NEB: variants seen among roughly 807,000 people sequenced by gnomAD.
NEB encodes the protein nemaline myopathy type 2.
In NEB, 512 loss-of-function variants were observed where a neutral mutation model predicts 952.2. The observed-to-expected ratio is 0.54, with a 90% CI of 0.50 to 0.58. The LOEUF is 0.58. Ranked by LOEUF, NEB falls within the 20% of genes least tolerant of loss-of-function variation. The pLI is 0.00. For missense variants in NEB, 8,428 were observed against 9,231.1 expected (o/e 0.91, Z 3.56); for synonymous variants, 2,900 against 3,149.8 (o/e 0.92, Z 2.66).
In NEB at chr2:151,677,869, C is replaced by T; in HGVS notation, c.3567+7G>A. ...GGGGGGTTTCTTGAGAAGTAAATGACACTTACATCACTCTGTATCTGCATC... is the reference window on the plus strand; with the variant it reads ...GGGGGGTTTCTTGAGAAGTAAATGATACTTACATCACTCTGTATCTGCATC... On this transcript the variant is annotated splice_region_variant and intron_variant, in intron 33 of 181. Transcript: ENST00000397345. 6.2e-7 allele frequency: 1 copy of T among 1,606,756 alleles called. No homozygotes were observed. Among genetic ancestry groups the T allele is most frequent in the Non-Finnish European group, 8.5e-7 (1 of 1,175,568 alleles).
intron 138 of NEB, among the ~76,000 whole-genome samples, chr2:151,539,860 C>A (rs1447758284): frequency 1.3e-5 from 2 of 152,112 alleles, no homozygotes; most frequent in Non-Finnish European, 2.9e-5. Context: ...TAACTAGGAG[C>A]CCAGCAGCAT....
chr2:151,729,668 G>A lies in NEB; in HGVS notation c.37-12C>T, dbSNP rs773490766. On this transcript the variant is annotated splice_polypyrimidine_tract_variant and intron_variant, in intron 3 of 181. Coordinates refer to ENST00000397345, the MANE Select transcript of NEB (RefSeq NM_001164508.2). ...TCTTCTGTGTAGTACTGTAAATAGA[G>A]CACAAAGGCATTGGCAAGAGAACCA... is the stretch of plus-strand genomic sequence containing the variant. 1 of 1,613,176 alleles carries A rather than the reference G, an allele frequency of 6.2e-7. No individual in the cohort carries two copies. The highest frequency in any genetic ancestry group is 1.7e-5 in the Admixed American group (1 of 59,952).
intron 35 of NEB, among the ~76,000 whole-genome samples, chr2:151,674,916 G>A (rs2099347301): frequency 6.6e-6 from 1 of 152,178 alleles, no homozygotes; most frequent in Non-Finnish European, 1.5e-5. Flanking sequence ...GGAATGTCAA[G>A]AGAAGACCTG....
rs978952705 is a variant in NEB at position 151,694,323 on chromosome 2, A to T, written c.1896T>A (p.Asp632Glu). The change falls in exon 20 of 182, where the codon GAT becomes GAA. Residue 632 changes from aspartate to glutamate, a missense_variant and splice_region_variant. Physicochemically the swap from Asp to Glu is conservative, Grantham distance 45. This residue lies in a region of NEB where 2,851 missense variants were observed against 2,791.5 expected (regional missense o/e 1.02). Coordinates refer to ENST00000397345, the MANE Select transcript of NEB (RefSeq NM_001164508.2). ...HSLKVAKNQS[D>E]RLYKENYEKT... ...AGGGGTGAATTACAAAGAAACTCAC[A>T]TCACTCTGGTTTTTGGCCACCTTCA... 5 of 1,612,402 alleles carry T rather than the reference A, an allele frequency of 3.1e-6. No individual in the cohort carries two copies. The highest frequency in any genetic ancestry group is 3.4e-6 in the Non-Finnish European group (4 of 1,178,544).
chr2:151,691,855 C>T lies in NEB; in HGVS notation c.2211+9G>A, dbSNP rs1323533471. On this transcript the variant is annotated intron_variant, in intron 23 of 181. Transcript: ENST00000397345. ...GCTCAATTTCAATAATTCAGGGCAG[C>T]TAACTTACATCTTTACACTGGTCCA... The T allele has an allele frequency of 6.4e-7, 1 of 1,569,584 alleles. No homozygotes were observed.
chr2:151,557,627 T>A (rs2095751775), intron 124 of NEB, among the ~76,000 whole-genome samples: 1 of 152,142 alleles, frequency 6.6e-6, no homozygotes. Context: ...CAATAAAATA[T>A]TGGCAAACCA....
In NEB at chr2:151,675,282, C is replaced by T. The variant is rs377301805; in HGVS notation, c.3879+5G>A. 6.4e-7 allele frequency: 1 copy of T among 1,550,524 alleles called. No individual in the cohort carries two copies. The highest frequency in any genetic ancestry group is 1.4e-5 in the African/African-American group (1 of 73,692). On this transcript the variant is annotated splice_donor_5th_base_variant and intron_variant, in intron 35 of 181. Transcript: ENST00000397345. Reference sequence around the variant, plus strand: ...ATTTCACATCCCAGCAAAGACCCTACTTACGTCACTTATATTGTAAGCATT... The same window carrying T: ...ATTTCACATCCCAGCAAAGACCCTATTTACGTCACTTATATTGTAAGCATT...
intron 105 of NEB, among the ~76,000 whole-genome samples, 160 bp from the exon 106 acceptor site, chr2:151,576,514 ATATTTTTTTTTTTTT>A (rs2096860987): frequency 7.6e-5 from 2 of 26,206 alleles, no homozygotes; most frequent in East Asian, 6.0e-3. Context: ...ATATATATAT[ATATTTTTTTTTTTTT>A]TTTTTTTTTT....
At chr2:151,649,394 C>A (rs568918412) in intron 54 of NEB, among the ~76,000 whole-genome samples, 5 of 152,166 alleles carry the variant, frequency 3.3e-5, no homozygotes, top group African/African-American at 1.2e-4. Flanking sequence ...AAGTGTATAG[C>A]ATATTACATA....
In NEB at chr2:151,525,254, A is replaced by G. The variant is rs2153447855; in HGVS notation, c.22181T>C (p.Phe7394Ser). The change falls in exon 151 of 182, where the codon TTT (phenylalanine) becomes TCT (serine). Residue 7394 changes from phenylalanine (F) to serine (S), a missense_variant. Around this residue, in one of 11 missense-constraint regions of NEB, gnomAD observed 3,374 missense variants for 3,651.5 expected, o/e 0.92. Coordinates refer to ENST00000397345, the MANE Select transcript of NEB (RefSeq NM_001164508.2). ...HVSDTNYKKKFVKEKGKSNYS... is the reference protein window; with the variant it reads ...HVSDTNYKKKSVKEKGKSNYS... The stretch of plus-strand genomic sequence containing the variant: ...GTTGGATTTTCCTTTCTCCTTGACA[A>G]ACTTCTTTTTGTAATTTGTCTAAAT... 3 of 1,613,196 alleles carry G rather than the reference A, an allele frequency of 1.9e-6. No homozygotes were observed. The South Asian group carries it at 3.3e-5, about 18-fold the overall frequency.
chr2:151,613,132 G>A (rs913832350), intron 77 of NEB, among the ~76,000 whole-genome samples: 1 of 152,008 alleles, frequency 6.6e-6, no homozygotes, highest in Admixed American at 6.6e-5. Flanking sequence ...TTCCAAAAGT[G>A]CTTGATTTAA....
chr2:151,643,204 A>G lies in NEB; in HGVS notation c.8106T>C (p.Leu2702=). 6.2e-7 allele frequency: 1 copy of G among 1,613,948 alleles called. No individual in the cohort carries two copies. The change falls in exon 58 of 182, where the codon CTT becomes CTC. Residue 2702 remains leucine (L), a synonymous_variant. Transcript: ENST00000397345. ...QHPDQFKFSS[L]MDSIPMVLAK... is the part of the protein sequence containing the mutation. ...CCAAAACCATTGGTATGGAATCCAT[A>G]AGGCTGGAAAACTTAAATTGATCTG...
Position 151,659,601 on chromosome 2 carries a change from C to CA in NEB, c.5971-433dup, listed in dbSNP as rs199966292. Reference sequence around the variant, plus strand: ...CAGGCATGAGCCACTGCACCTGGCCCAAAAAAATTTTAATGGAAAAGTTGC... The same window carrying CA: ...CAGGCATGAGCCACTGCACCTGGCCCAAAAAAAATTTTAATGGAAAAGTTGC... On this transcript the variant is annotated intron_variant, in intron 46 of 181. Coordinates refer to ENST00000397345, the MANE Select transcript of NEB (RefSeq NM_001164508.2). 4.5e-3 allele frequency among the ~76,000 whole-genome samples: 680 copies of CA among 152,096 alleles called. 15 individuals carry two copies. In the East Asian group the frequency reaches 0.072, roughly 16 times the overall value.
At chr2:151,609,203 GA>G (rs1194882203) in intron 81 of NEB, among the ~76,000 whole-genome samples, 7 of 84,050 alleles carry the variant, frequency 8.3e-5, no homozygotes, top group Non-Finnish European at 1.8e-4. Context: ...CAAAATAAAA[GA>G]AAAAAAAAAG....
At chr2:151,733,247 T>C in intron 2 of NEB, 62 bp from the exon 3 acceptor site, 1 of 1,138,334 alleles carries the variant, frequency 8.8e-7, no homozygotes, top group Non-Finnish European at 1.3e-6. Flanking sequence ...GAAATTATCT[T>C]ATGACATTAT....
chr2:151,514,457 T>G, intron 158 of NEB, 29 bp from the exon 159 acceptor site: 1 of 1,503,098 alleles, frequency 6.7e-7, no homozygotes, highest in Non-Finnish European at 9.3e-7. Flanking sequence ...GCAACAACAT[T>G]GACAAGAAAG....
chr2:151,501,504 A>C (rs1356508717), intron 167 of NEB, 21 bp from the exon 168 acceptor site: 1 of 1,403,324 alleles, frequency 7.1e-7, no homozygotes, highest in African/African-American at 1.4e-5. Flanking sequence ...AAAACCAACA[A>C]ACAAATCAAC....
At chr2:151,625,202 C>A (rs1393115906) in intron 71 of NEB, among the ~76,000 whole-genome samples, 2 of 152,118 alleles carry the variant, frequency 1.3e-5, no homozygotes, top group Admixed American at 1.3e-4. Context: ...ACTTGCCGCA[C>A]AAATTTTGAA....
chr2:151,553,402 T>A lies in NEB; in HGVS notation c.19727A>T (p.Asp6576Val). ...LHAKHAYDLR[D>V]DIKYKAHMLK... The stretch of plus-strand genomic sequence containing the variant: ...AACAAAACAAGGCAAACTCACATCA[T>A]CACGTAGATCATAAGCATGCTTGGC... Residue 6576 changes from aspartate (D) to valine (V), a missense_variant, in exon 127 of 182, where the codon GAT becomes GTT. Asp to Val is a radical substitution (Grantham distance 152). Coordinates refer to ENST00000397345, the MANE Select transcript of NEB (RefSeq NM_001164508.2). 1.2e-6 allele frequency: 2 copies of A among 1,609,484 alleles called. No homozygotes were observed. The highest frequency in any genetic ancestry group is 1.7e-6 in the Non-Finnish European group (2 of 1,175,880).
Sources: gnomAD v4.1 joint callset for allele counts (sites outside exome capture counted in the v4.1 genomes callset) on GRCh38, gnomAD v4.1.1 for gene constraint, gnomAD v4.1.1 regional missense constraint, MANE v1.5 for transcripts, NCBI Gene and HGNC (gene_info 2026-07-23, HGNC 2026-07-21) for gene names.